ATP13A3: variants seen among roughly 807,000 people sequenced by gnomAD.
The protein encoded by ATP13A3 is ATPase 13A3, also known as polyamine-transporting ATPase 13A3.
ATP13A3 carries 59 observed loss-of-function variants against 158.1 expected under a neutral mutation model. That is an observed-to-expected ratio of 0.37 (90% CI 0.30 to 0.46). The LOEUF (loss-of-function observed/expected upper bound fraction) is 0.46, where lower values mean the gene tolerates loss of function less well. Ranked by LOEUF, ATP13A3 falls within the 20% of genes least tolerant of loss-of-function variation. ATP13A3 has a pLI of 1.00. For missense variants in ATP13A3, 1,166 were observed against 1,525.2 expected (o/e 0.76, Z 3.92); for synonymous variants, 491 against 504.3 (o/e 0.97, Z 0.35).
chr3:194,470,245 T>A (rs906375015), intron 2 of ATP13A3, among the ~76,000 whole-genome samples: 3 of 152,202 alleles, frequency 2.0e-5, no homozygotes, highest in African/African-American at 4.8e-5. Flanking sequence ...AAACCAAGAC[T>A]GTATTTACAT....
intron 6 of ATP13A3, among the ~76,000 whole-genome samples, chr3:194,458,055 G>A (rs1719361752): frequency 6.6e-6 from 1 of 151,892 alleles, no homozygotes; most frequent in East Asian, 1.9e-4. Flanking sequence ...CAAAGTGCTG[G>A]GATTACAGGC....
At chr3:194,407,263 A>G (rs1027672112) in intron 33 of ATP13A3, among the ~76,000 whole-genome samples, 2 of 152,216 alleles carry the variant, frequency 1.3e-5, no homozygotes, top group Admixed American at 1.3e-4. Context: ...GCCAATCAAC[A>G]TATAAACCAG....
Position 194,417,396 on chromosome 3 carries a change from GACACACACACACAC to G in ATP13A3, c.3402+2469_3402+2482del, listed in dbSNP as rs56119734. ...AGCCTGGGTACCAGAGCCAGATTCT[GACACACACACACAC>G]ACACACACACACACACACACACACA... On this transcript the variant is annotated intron_variant, in intron 31 of 33. Coordinates refer to ENST00000645319, the MANE Select transcript of ATP13A3 (RefSeq NM_001367549.1). 4.3e-3 allele frequency among the ~76,000 whole-genome samples: 508 copies of G among 118,136 alleles called. 5 individuals are homozygous for G. The highest frequency in any genetic ancestry group is 0.015 in the African/African-American group (467 of 30,900). The allele number at this position is 118,136 out of a possible 152,430, so 77.5% of individuals were successfully genotyped here. A position where few individuals can be genotyped will look rare whatever the true frequency, so the allele number is the denominator to read the frequency against.
chr3:194,478,148 A>T (rs765573667), intron 2 of ATP13A3, among the ~76,000 whole-genome samples: 20 of 152,264 alleles, frequency 1.3e-4, no homozygotes, highest in Non-Finnish European at 2.5e-4. Context: ...TCTAGCAATA[A>T]TCATTCTGGT....
At chr3:194,450,337 G>A in intron 10 of ATP13A3, 61 bp from the exon 11 acceptor site, 1 of 1,498,242 alleles carries the variant, frequency 6.7e-7, no homozygotes, top group East Asian at 2.4e-5. Context: ...GAAAAATACA[G>A]CAAATGCTAT....
intron 2 of ATP13A3, among the ~76,000 whole-genome samples, chr3:194,463,378 CTT>C (rs543822432): frequency 3.7e-4 from 55 of 150,452 alleles, no homozygotes; most frequent in Admixed American, 6.0e-4. Flanking sequence ...AGTTTTCTAA[CTT>C]TTTGTTTTTT....
intron 31 of ATP13A3, 155 bp downstream of exon 31, chr3:194,419,724 A>T: frequency 1.1e-6 from 1 of 917,832 alleles, no homozygotes; most frequent in South Asian, 5.0e-5. Context: ...AGCTAAGAAA[A>T]GCTGCTATTT....
rs1719308841 is a variant in ATP13A3 at position 194,457,431 on chromosome 3, A to C, written c.480-257T>G. On this transcript the variant is annotated intron_variant, in intron 6 of 33. Coordinates refer to ENST00000645319, the MANE Select transcript of ATP13A3 (RefSeq NM_001367549.1). ...TTGCAGGATAGATGAGATGGCTCTA[A>C]ATACTCAAATTTATATAATAATATC... Among the ~76,000 whole-genome samples, 3 of 152,326 alleles carry C rather than the reference A, an allele frequency of 2.0e-5. No homozygotes were observed. In the South Asian group the frequency reaches 6.2e-4, roughly 32 times the overall value.
At chr3:194,459,680 A>C in intron 5 of ATP13A3, 109 bp downstream of exon 5, 1 of 1,248,756 alleles carries the variant, frequency 8.0e-7, no homozygotes, top group Non-Finnish European at 1.1e-6. Context: ...TATGCAGGTA[A>C]ATTTATCTCA....
At chr3:194,415,418 C>T (rs1239743570) in intron 31 of ATP13A3, among the ~76,000 whole-genome samples, 1 of 152,038 alleles carries the variant, frequency 6.6e-6, no homozygotes, top group East Asian at 1.9e-4. Context: ...AAATATAATG[C>T]ATTTTGTTTT....
intron 2 of ATP13A3, among the ~76,000 whole-genome samples, chr3:194,467,648 G>A (rs1449377305): frequency 2.0e-5 from 3 of 151,980 alleles, no homozygotes; most frequent in South Asian, 2.1e-4. Context: ...ACTCCAATGC[G>A]ACAACTCCAA....
chr3:194,454,237 C>A (rs752500540), intron 9 of ATP13A3, 21 bp downstream of exon 9: 56 of 1,581,100 alleles, frequency 3.5e-5, no homozygotes, highest in Non-Finnish European at 4.5e-5. Flanking sequence ...GTTGTGAAAC[C>A]CATAATAAAT....
In ATP13A3 at chr3:194,405,968, T is replaced by G; in HGVS notation, c.3722A>C (p.Lys1241Thr). Residue 1241 changes from lysine (K) to threonine (T), a missense_variant, in exon 34 of 34, where the codon AAA becomes ACA. This residue lies in a region of ATP13A3 where 997 missense variants were observed against 1,341.2 expected (regional missense o/e 0.74). Coordinates refer to ENST00000645319, the MANE Select transcript of ATP13A3 (RefSeq NM_001367549.1). ...TGATCCATTCTCCTTAACTAAAGCT[T>G]TAGCTTCTGTGGTTGTCTGAGGTTT... ...PPKPQTTTEA[K>T]ALVKENGSCQ... 5.0e-6 allele frequency: 8 copies of G among 1,614,162 alleles called. No individual in the cohort carries two copies. Among genetic ancestry groups the G allele is most frequent in the Non-Finnish European group, 6.8e-6 (8 of 1,180,042 alleles).
intron 2 of ATP13A3, among the ~76,000 whole-genome samples, chr3:194,477,956 A>G (rs1257737987): frequency 4.6e-5 from 7 of 152,226 alleles, no homozygotes; most frequent in African/African-American, 1.7e-4. Flanking sequence ...CAGCAGACAG[A>G]AAGTTCTCAC....
intron 14 of ATP13A3, among the ~76,000 whole-genome samples, chr3:194,446,185 T>A (rs1243615619): frequency 6.6e-6 from 1 of 152,216 alleles, no homozygotes; most frequent in African/African-American, 2.4e-5. Flanking sequence ...AAATATAGCA[T>A]GTCCTCAAAT....
Position 194,459,704 on chromosome 3 carries a change from AAC to A in ATP13A3, c.408+83_408+84del, listed in dbSNP as rs1247263705. The A allele has an allele frequency of 7.0e-6, 10 of 1,426,158 alleles. No homozygotes were observed. In the African/African-American group the frequency reaches 1.0e-4, roughly 14 times the overall value. 88.3% of individuals were successfully genotyped at this position (1,426,158 alleles called of 1,614,324 possible). On this transcript the variant is annotated intron_variant, in intron 5 of 33. Transcript: ENST00000645319. ...AAATTTATCTCAAGCATTAACTGCA[AAC>A]ACAAAATTATAGAATATACATGATA...
chr3:194,472,280 A>AC (rs1271886542), intron 2 of ATP13A3, among the ~76,000 whole-genome samples: 2 of 151,996 alleles, frequency 1.3e-5, no homozygotes, highest in African/African-American at 4.8e-5. Flanking sequence ...CAAAAAAAAA[A>AC]CACAGTCAAC....
chr3:194,440,513 C>T (rs1055960052), intron 16 of ATP13A3, among the ~76,000 whole-genome samples: 1 of 152,202 alleles, frequency 6.6e-6, no homozygotes, highest in African/African-American at 2.4e-5. Context: ...CACCATCCCC[C>T]ATCCCCCAAC....
chr3:194,487,106 G>T (rs975258828), upstream of ATP13A3: 3 of 151,960 alleles, frequency 2.0e-5, no homozygotes, highest in African/African-American at 7.2e-5. Context: ...GGGGCGGGGC[G>T]ATTTATAGGC....
Sources: allele counts gnomAD v4.1 joint callset (sites outside exome capture counted in the v4.1 genomes callset), GRCh38; gene constraint gnomAD v4.1.1; regional missense constraint gnomAD v4.1.1; transcripts MANE v1.5; gene names NCBI Gene and HGNC (gene_info 2026-07-23, HGNC 2026-07-21).